The following PDE4D variants were observed in gnomAD, a reference collection of about 807,000 sequenced individuals.
PDE4D encodes the protein phosphodiesterase 4D.
PDE4D carries 24 observed loss-of-function variants against 87.4 expected under a neutral mutation model. The observed-to-expected ratio is 0.27, with a 90% confidence interval of 0.20 to 0.39. The LOEUF is 0.39. Ranked by LOEUF, PDE4D falls within the 10% of genes least tolerant of loss-of-function variation. PDE4D has a pLI of 1.00. For synonymous variants in PDE4D, 384 were observed against 383.2 expected, an observed-to-expected ratio of 1.00 and a Z score of -0.02; for missense variants, 714 against 1,041.0, an observed-to-expected ratio of 0.69 and a Z score of 4.32.
chr5:59,887,513 T>C (rs1354707638), intron 1 of PDE4D, among the ~76,000 whole-genome samples: 1 of 152,216 alleles, frequency 6.6e-6, no homozygotes, highest in African/African-American at 2.4e-5. Flanking sequence ...ATATTGCATA[T>C]TTTTAAACCT....
chr5:59,136,660 C>G (rs973073102), intron 5 of PDE4D, among the ~76,000 whole-genome samples: 19 of 152,096 alleles, frequency 1.2e-4, no homozygotes, highest in African/African-American at 4.3e-4. Flanking sequence ...GTAATACTCT[C>G]TTGGAGGATA....
At chr5:59,369,244 C>T (rs939014850) in intron 1 of PDE4D, among the ~76,000 whole-genome samples, 1 of 152,102 alleles carries the variant, frequency 6.6e-6, no homozygotes, top group Non-Finnish European at 1.5e-5. Flanking sequence ...TAGGAATCTA[C>T]ACATATCTAG....
intron 5 of PDE4D, among the ~76,000 whole-genome samples, chr5:59,086,898 G>A (rs980776476): frequency 3.3e-5 from 5 of 151,852 alleles, no homozygotes; most frequent in African/African-American, 1.2e-4. Context: ...TATGATTATT[G>A]TAGTAGGCTC....
At chr5:60,417,039 G>A (rs1742662154) in intron 1 of PDE4D, among the ~76,000 whole-genome samples, 1 of 152,198 alleles carries the variant, frequency 6.6e-6, no homozygotes, top group South Asian at 2.1e-4. Context: ...ACCTGAAGTA[G>A]ATGTCCAGAC....
intron 1 of PDE4D, among the ~76,000 whole-genome samples, chr5:60,282,072 G>C (rs1177848689): frequency 6.6e-6 from 1 of 151,648 alleles, no homozygotes; most frequent in Non-Finnish European, 1.5e-5. Flanking sequence ...AAATAACATC[G>C]TTTTAAACAA....
intron 1 of PDE4D, among the ~76,000 whole-genome samples, chr5:59,801,900 T>C (rs1767170130): frequency 6.6e-6 from 1 of 152,214 alleles, no homozygotes; most frequent in African/African-American, 2.4e-5. Flanking sequence ...AACAAGTTTA[T>C]CTAAGACTCC....
intron 1 of PDE4D, among the ~76,000 whole-genome samples, chr5:59,303,736 T>C (rs972757707): frequency 6.6e-6 from 1 of 152,186 alleles, no homozygotes; most frequent in Non-Finnish European, 1.5e-5. Context: ...TCTATTCTGT[T>C]CCATTGGTCT....
chr5:59,048,625 G>A (rs1397757128), intron 5 of PDE4D, among the ~76,000 whole-genome samples: 1 of 152,134 alleles, frequency 6.6e-6, no homozygotes, highest in Non-Finnish European at 1.5e-5. Flanking sequence ...CCATGATCCT[G>A]GAATTCTGTG....
At chr5:59,488,130 G>A (rs1238267269) in intron 1 of PDE4D, among the ~76,000 whole-genome samples, 1 of 128,560 alleles carries the variant, frequency 7.8e-6, no homozygotes, top group Non-Finnish European at 1.6e-5. Context: ...CGTGGAGACA[G>A]ACATCCCAGA....
chr5:60,322,761 G>C (rs892565330), intron 1 of PDE4D, among the ~76,000 whole-genome samples: 6 of 152,058 alleles, frequency 3.9e-5, no homozygotes, highest in Non-Finnish European at 8.8e-5. Flanking sequence ...TACATGTCCT[G>C]TTCTTCTCTT....
intron 1 of PDE4D, among the ~76,000 whole-genome samples, chr5:59,514,756 T>C (rs1326450908): frequency 6.6e-6 from 1 of 152,184 alleles, no homozygotes; most frequent in Non-Finnish European, 1.5e-5. Flanking sequence ...CCTCTGTTTC[T>C]TCATCAGTAA....
intron 1 of PDE4D, among the ~76,000 whole-genome samples, chr5:59,464,886 A>G (rs1464509127): frequency 2.6e-5 from 4 of 152,194 alleles, no homozygotes; most frequent in African/African-American, 9.7e-5. Flanking sequence ...GCATTGGAGG[A>G]CAAAAAAAAA....
chr5:59,840,062 C>CT (rs944460337), intron 1 of PDE4D, among the ~76,000 whole-genome samples: 2 of 152,002 alleles, frequency 1.3e-5, no homozygotes, highest in South Asian at 2.1e-4. Flanking sequence ...CTCTGAGCAT[C>CT]TTTTTTTTCC....
chr5:60,129,380 A>G (rs1779382475), intron 2 of PDE4D, among the ~76,000 whole-genome samples: 1 of 152,194 alleles, frequency 6.6e-6, no homozygotes, highest in African/African-American at 2.4e-5. Flanking sequence ...AGAGGCAGGA[A>G]AAAAGAAATG....
intron 5 of PDE4D, among the ~76,000 whole-genome samples, chr5:59,072,679 T>C (rs369981950): frequency 1.3e-5 from 2 of 152,218 alleles, no homozygotes; most frequent in East Asian, 1.9e-4. Flanking sequence ...TAAATGGATA[T>C]GTTAATTACT....
intron 1 of PDE4D, among the ~76,000 whole-genome samples, chr5:60,202,335 T>A (rs1475056947): frequency 6.6e-6 from 1 of 152,000 alleles, no homozygotes; most frequent in Non-Finnish European, 1.5e-5. Flanking sequence ...GCTAATTTTT[T>A]TAAAAAAATT....
At chr5:60,032,360 TCTA>T (rs1767329871) in intron 2 of PDE4D, among the ~76,000 whole-genome samples, 1 of 152,330 alleles carries the variant, frequency 6.6e-6, no homozygotes, top group African/African-American at 2.4e-5. Flanking sequence ...CCATACAACT[TCTA>T]CTTCTCTATT....
chr5:59,574,154 TTATA>T (rs767299592), intron 1 of PDE4D, among the ~76,000 whole-genome samples: 2 of 88,946 alleles, frequency 2.2e-5, no homozygotes, highest in African/African-American at 1.0e-4. Flanking sequence ...AAATATATAT[TTATA>T]TATATATATA....
At chr5:59,813,894 G>C (rs1436813601) in intron 1 of PDE4D, among the ~76,000 whole-genome samples, 1 of 152,016 alleles carries the variant, frequency 6.6e-6, no homozygotes, top group Non-Finnish European at 1.5e-5. Flanking sequence ...TGTATCTAAG[G>C]CACAGCTGAA....
Sources: gnomAD v4.1 joint callset for allele counts (sites outside exome capture counted in the v4.1 genomes callset) on GRCh38, gnomAD v4.1.1 for gene constraint, MANE v1.5 for transcripts, NCBI Gene and HGNC (gene_info 2026-07-23, HGNC 2026-07-21) for gene names.